The following COLGALT2 variants were observed in gnomAD, a reference collection of about 807,000 sequenced individuals.
COLGALT2 encodes the protein procollagen galactosyltransferase 2.
A neutral mutation model predicts 73.4 loss-of-function variants in COLGALT2; 49 were observed. That is an observed-to-expected ratio of 0.67 (90% CI 0.53 to 0.85). The LOEUF (loss-of-function observed/expected upper bound fraction) is 0.85. COLGALT2 is among the 40% of genes least tolerant of loss of function. The pLI is 0.00. For synonymous variants in COLGALT2, 295 were observed against 307.6 expected (o/e 0.96, Z 0.43); for missense variants, 722 against 790.2 (o/e 0.91, Z 1.03).
chr1:183,940,380 G>A (rs1209793822), intron 11 of COLGALT2, among the ~76,000 whole-genome samples: 2 of 152,168 alleles, frequency 1.3e-5, no homozygotes, highest in African/African-American at 4.8e-5. Context: ...CTCTGGGCAG[G>A]ACACTCACCA....
At chr1:183,989,021 G>A (rs1478166388) in intron 1 of COLGALT2, among the ~76,000 whole-genome samples, 1 of 152,162 alleles carries the variant, frequency 6.6e-6, no homozygotes, top group Non-Finnish European at 1.5e-5. Flanking sequence ...TTTTACAGAA[G>A]AGGAATGTGA....
At chr1:184,005,964 G>A (rs900134781) in intron 1 of COLGALT2, among the ~76,000 whole-genome samples, 1 of 152,102 alleles carries the variant, frequency 6.6e-6, no homozygotes, top group African/African-American at 2.4e-5. Flanking sequence ...GAAGAAAAAA[G>A]CTCTTCCCCT....
intron 1 of COLGALT2, among the ~76,000 whole-genome samples, chr1:183,982,464 T>G (rs760451409): frequency 2.0e-5 from 3 of 152,204 alleles, no homozygotes; most frequent in Non-Finnish European, 2.9e-5. Context: ...ATAGGAAGCA[T>G]GCAGAGAGCA....
At chr1:183,970,614 T>C (rs920398982) in intron 4 of COLGALT2, among the ~76,000 whole-genome samples, 2 of 152,198 alleles carry the variant, frequency 1.3e-5, no homozygotes, top group African/African-American at 4.8e-5. Flanking sequence ...TCAGAAGATG[T>C]GGGTCTCAGA....
intron 5 of COLGALT2, 179 bp from the exon 6 acceptor site, chr1:183,964,199 A>G: frequency 5.7e-6 from 3 of 522,540 alleles, no homozygotes; most frequent in Admixed American, 7.9e-5. Flanking sequence ...AGTAAAACAC[A>G]GCATTGGGGA....
intron 1 of COLGALT2, among the ~76,000 whole-genome samples, chr1:184,002,992 T>C (rs1671972374): frequency 6.6e-6 from 1 of 152,112 alleles, no homozygotes; most frequent in Non-Finnish European, 1.5e-5. Context: ...CAAAATACTG[T>C]GCTATCAAAA....
At chr1:183,954,274 GT>G (rs5779193) in intron 7 of COLGALT2, among the ~76,000 whole-genome samples, 1 of 151,302 alleles carries the variant, frequency 6.6e-6, no homozygotes, top group Non-Finnish European at 1.5e-5. Context: ...GAACAAATAT[GT>G]TTTTTTTTCT....
intron 8 of COLGALT2, chr1:183,945,794 C>T (rs1670233972): frequency 1.8e-6 from 1 of 550,090 alleles, no homozygotes; most frequent in African/African-American, 1.9e-5. Flanking sequence ...TAGTGCCCAA[C>T]ATAGTTCTAA....
chr1:184,020,874 G>T (rs984381848), intron 1 of COLGALT2, among the ~76,000 whole-genome samples: 2 of 152,126 alleles, frequency 1.3e-5, no homozygotes, highest in African/African-American at 4.8e-5. Flanking sequence ...GTACTTAGAT[G>T]CAGTGCTGGC....
intron 1 of COLGALT2, among the ~76,000 whole-genome samples, chr1:183,998,912 G>T (rs924751477): frequency 5.3e-5 from 8 of 151,912 alleles, no homozygotes; most frequent in Non-Finnish European, 1.2e-4. Context: ...TGTGAATTCT[G>T]CTATATTTTT....
intron 8 of COLGALT2, among the ~76,000 whole-genome samples, chr1:183,950,042 A>G (rs1670353740): frequency 6.6e-6 from 1 of 152,228 alleles, no homozygotes; most frequent in African/African-American, 2.4e-5. Context: ...CAGATAAATA[A>G]TGGATAATTT....
chr1:183,958,021 C>A (rs1256658445), intron 6 of COLGALT2, among the ~76,000 whole-genome samples: 1 of 152,072 alleles, frequency 6.6e-6, no homozygotes, highest in Non-Finnish European at 1.5e-5. Flanking sequence ...TCTCCTCATG[C>A]TTTATAGACC....
intron 2 of COLGALT2, among the ~76,000 whole-genome samples, chr1:183,975,668 A>G (rs1353369954): frequency 2.0e-5 from 3 of 152,226 alleles, no homozygotes; most frequent in Admixed American, 6.5e-5. Flanking sequence ...GGAAAATCAA[A>G]GGTTTAATCT....
At chr1:183,954,469 G>A (rs1397674434) in intron 7 of COLGALT2, among the ~76,000 whole-genome samples, 8 of 152,174 alleles carry the variant, frequency 5.3e-5, no homozygotes, top group Admixed American at 3.3e-4. Flanking sequence ...TAAAAAGGTT[G>A]ATTAAAAATA....
chr1:183,957,791 T>C (rs1230934470), intron 6 of COLGALT2, among the ~76,000 whole-genome samples: 5 of 150,698 alleles, frequency 3.3e-5, no homozygotes, highest in Non-Finnish European at 7.4e-5. Flanking sequence ...TTTTTTTTTT[T>C]TTTTTTTTTA....
intron 1 of COLGALT2, among the ~76,000 whole-genome samples, chr1:183,995,092 G>GA (rs990333511): frequency 2.0e-5 from 3 of 150,892 alleles, no homozygotes; most frequent in Admixed American, 6.6e-5. Context: ...ATAAACATTA[G>GA]AAAAAAAACA....
At chr1:183,958,303 C>G (rs1429400838) in intron 6 of COLGALT2, among the ~76,000 whole-genome samples, 1 of 152,172 alleles carries the variant, frequency 6.6e-6, no homozygotes, top group Non-Finnish European at 1.5e-5. Context: ...TTCTCGTCCA[C>G]TGATGCCTGA....
chr1:183,951,949 A>G (rs1670413768), intron 7 of COLGALT2, among the ~76,000 whole-genome samples: 1 of 152,234 alleles, frequency 6.6e-6, no homozygotes, highest in Non-Finnish European at 1.5e-5. Context: ...AAAATATTCT[A>G]CAAAGCTATA....
At chr1:183,994,026 CTTTTTTTTTTTTTTTTT>C (rs869129633) in intron 1 of COLGALT2, among the ~76,000 whole-genome samples, 5 of 70,028 alleles carry the variant, frequency 7.1e-5, no homozygotes, top group African/African-American at 2.9e-4. Context: ...TCTTGTAATT[CTTTTTTTTTTTTTTTTT>C]TTTTTTTTTT....
Sources: gnomAD v4.1 joint callset for allele counts (sites outside exome capture counted in the v4.1 genomes callset) on GRCh38, gnomAD v4.1.1 for gene constraint, MANE v1.5 for transcripts, NCBI Gene and HGNC (gene_info 2026-07-23, HGNC 2026-07-21) for gene names.